Variants in LDB2 observed in about 807,000 individuals in gnomAD.
The protein encoded by LDB2 is LIM domain binding 2.
In LDB2, 12 loss-of-function variants were observed where a neutral mutation model predicts 44.3. That is an observed-to-expected ratio of 0.27 (90% CI 0.17 to 0.44). The LOEUF (loss-of-function observed/expected upper bound fraction) is 0.44. LDB2 is among the 20% of genes least tolerant of loss of function. The probability of loss-of-function intolerance (pLI) is 1.00; values close to 1 mark genes in which losing one functional copy is unlikely to be tolerated. For synonymous variants in LDB2, 164 were observed against 174.8 expected, an observed-to-expected ratio of 0.94 and a Z score of 0.49; for missense variants, 344 against 473.5, an observed-to-expected ratio of 0.73 and a Z score of 2.54.
chr4:16,656,570 T>C (rs981429483), intron 2 of LDB2, among the ~76,000 whole-genome samples: 1 of 152,240 alleles, frequency 6.6e-6, no homozygotes, highest in Non-Finnish European at 1.5e-5. Flanking sequence ...CAGCTCAAAA[T>C]ACTTTTCCAC....
chr4:16,610,426 G>A (rs1235141836), intron 2 of LDB2, among the ~76,000 whole-genome samples: 2 of 152,128 alleles, frequency 1.3e-5, no homozygotes, highest in Admixed American at 6.5e-5. Context: ...TGAACTAAAG[G>A]AGCATCTTCT....
At chr4:16,843,037 C>G (rs1425351516) in intron 1 of LDB2, among the ~76,000 whole-genome samples, 1 of 152,138 alleles carries the variant, frequency 6.6e-6, no homozygotes, top group Admixed American at 6.5e-5. Context: ...TACCACGCAG[C>G]CATTTTTTTT....
intron 1 of LDB2, among the ~76,000 whole-genome samples, chr4:16,804,545 A>G (rs1315620834): frequency 6.6e-6 from 1 of 152,194 alleles, no homozygotes; most frequent in Non-Finnish European, 1.5e-5. Flanking sequence ...TTCCCAAGGA[A>G]GAAAGGGCGA....
chr4:16,710,221 A>G (rs1414413025), intron 2 of LDB2, among the ~76,000 whole-genome samples: 2 of 152,218 alleles, frequency 1.3e-5, no homozygotes, highest in Non-Finnish European at 2.9e-5. Context: ...CACTTGCCAT[A>G]TCAGCTGAAA....
chr4:16,840,556 G>A (rs1785690369), intron 1 of LDB2, among the ~76,000 whole-genome samples: 1 of 152,190 alleles, frequency 6.6e-6, no homozygotes, highest in South Asian at 2.1e-4. Context: ...CTACAGTACA[G>A]AAGTCGTTTG....
chr4:16,614,065 C>A (rs1726440861), intron 2 of LDB2, among the ~76,000 whole-genome samples: 1 of 152,152 alleles, frequency 6.6e-6, no homozygotes, highest in African/African-American at 2.4e-5. Flanking sequence ...TGTACCAAAA[C>A]AGACATACAG....
chr4:16,605,874 A>C (rs1723793323), intron 2 of LDB2, among the ~76,000 whole-genome samples: 1 of 152,180 alleles, frequency 6.6e-6, no homozygotes, highest in African/African-American at 2.4e-5. Flanking sequence ...TACCACCAGG[A>C]GGGGGAACTG....
Position 16,595,769 on chromosome 4 carries a change from T to C in LDB2, c.342A>G (p.Ser114=), listed in dbSNP as rs1720705752. The part of the protein sequence containing the change: ...LKHSKESYHN[S]SITVDCDQCT... ...ACTGGTCGCAGTCCACCGTGATGGATGAGTTGTGGTATGACTCTTTCGAGT... is the reference window on the plus strand; with the variant it reads ...ACTGGTCGCAGTCCACCGTGATGGACGAGTTGTGGTATGACTCTTTCGAGT... The change falls in exon 3 of 8, where the codon TCA becomes TCG. Residue 114 remains serine, a synonymous_variant. Coordinates refer to ENST00000304523, the MANE Select transcript of LDB2 (RefSeq NM_001290.5). 2 of 1,613,538 alleles carry C rather than the reference T, an allele frequency of 1.2e-6. No individual in the cohort carries two copies. Among genetic ancestry groups the C allele is most frequent in the African/African-American group, 1.3e-5 (1 of 74,794 alleles).
intron 1 of LDB2, among the ~76,000 whole-genome samples, chr4:16,856,826 T>C (rs539590654): frequency 6.6e-6 from 1 of 152,214 alleles, no homozygotes; most frequent in Non-Finnish European, 1.5e-5. Context: ...TCCAGCGTGG[T>C]TAAGTCACTT....
intron 2 of LDB2, among the ~76,000 whole-genome samples, chr4:16,643,774 C>T (rs79736302): frequency 6.6e-6 from 1 of 151,972 alleles, no homozygotes; most frequent in South Asian, 2.1e-4. Flanking sequence ...AAAAAAAACC[C>T]TGCCCAGTAA....
intron 5 of LDB2, among the ~76,000 whole-genome samples, chr4:16,562,291 A>G (rs537749754): frequency 3.6e-4 from 55 of 152,320 alleles, no homozygotes; most frequent in African/African-American, 1.3e-3. Context: ...CAACCTACAG[A>G]ATGGGAGAAA....
chr4:16,585,810 GAC>G, intron 5 of LDB2, 110 bp downstream of exon 5: 1 of 718,400 alleles, frequency 1.4e-6, no homozygotes, highest in South Asian at 1.6e-5. Flanking sequence ...ACAGAACATA[GAC>G]ACTGCTATAT....
At chr4:16,587,729 C>G (rs1717508766) in intron 4 of LDB2, among the ~76,000 whole-genome samples, 1 of 152,098 alleles carries the variant, frequency 6.6e-6, no homozygotes, top group African/African-American at 2.4e-5. Flanking sequence ...AAGTCAGAAC[C>G]ACCTCGGGCA....
At chr4:16,709,164 T>C (rs1420497087) in intron 2 of LDB2, among the ~76,000 whole-genome samples, 2 of 152,244 alleles carry the variant, frequency 1.3e-5, no homozygotes, top group African/African-American at 4.8e-5. Flanking sequence ...AAATATTTCT[T>C]GAATAAGTTA....
intron 2 of LDB2, among the ~76,000 whole-genome samples, chr4:16,711,677 T>C (rs1043971409): frequency 6.6e-6 from 1 of 152,152 alleles, no homozygotes; most frequent in Non-Finnish European, 1.5e-5. Flanking sequence ...GTTAAGGACC[T>C]GATTTCAAAA....
chr4:16,760,823 G>A (rs985181710), intron 1 of LDB2, among the ~76,000 whole-genome samples: 2 of 152,170 alleles, frequency 1.3e-5, no homozygotes, highest in Non-Finnish European at 2.9e-5. Flanking sequence ...ATCTGCCAGG[G>A]AAAGAAACCC....
intron 1 of LDB2, among the ~76,000 whole-genome samples, chr4:16,773,730 T>C (rs1469056762): frequency 6.6e-6 from 1 of 152,114 alleles, no homozygotes; most frequent in South Asian, 2.1e-4. Flanking sequence ...ATTTCTTTTT[T>C]CATATTCCTT....
intron 1 of LDB2, among the ~76,000 whole-genome samples, chr4:16,770,780 C>T (rs1019513960): frequency 1.5e-4 from 23 of 152,054 alleles, no homozygotes; most frequent in South Asian, 4.1e-4. Context: ...GAGACATGTA[C>T]TCTCACAATC....
chr4:16,678,901 T>C (rs1462938209), intron 2 of LDB2, among the ~76,000 whole-genome samples: 1 of 152,194 alleles, frequency 6.6e-6, no homozygotes, highest in East Asian at 1.9e-4. Flanking sequence ...TATTTCTACC[T>C]GATTGAGTCC....
Sources: allele counts gnomAD v4.1 joint callset (sites outside exome capture counted in the v4.1 genomes callset), GRCh38; gene constraint gnomAD v4.1.1; transcripts MANE v1.5; gene names NCBI Gene and HGNC (gene_info 2026-07-23, HGNC 2026-07-21).